FNDC3A: variants seen among roughly 807,000 people sequenced by gnomAD.
The protein encoded by FNDC3A is fibronectin type III domain containing 3A.
In FNDC3A, 32 loss-of-function variants were observed where a neutral mutation model predicts 148.9. The ratio of observed to expected loss-of-function variants is 0.21; its 90% confidence interval spans 0.16 to 0.29. The LOEUF (loss-of-function observed/expected upper bound fraction) is 0.29, where lower values mean the gene tolerates loss of function less well. Among genes scored for constraint, FNDC3A ranks in the 10% least tolerant of loss-of-function variants. The pLI is 1.00. For missense variants in FNDC3A, 1,191 were observed against 1,452.8 expected (o/e 0.82, Z 2.93); for synonymous variants, 472 against 473.6 (o/e 1.00, Z 0.04).
At chr13:49,077,788 A>G (rs1429102070) in intron 3 of FNDC3A, among the ~76,000 whole-genome samples, 1 of 152,232 alleles carries the variant, frequency 6.6e-6, no homozygotes, top group Non-Finnish European at 1.5e-5. Flanking sequence ...CACAACTTAA[A>G]GTAAAAATTT....
chr13:49,111,784 T>A (rs11620305), intron 3 of FNDC3A, among the ~76,000 whole-genome samples: 22,047 of 150,954 alleles, frequency 0.15, 2,140 homozygotes, highest in Non-Finnish European at 0.21. Context: ...AAAAAAAAAA[T>A]TTTTTTGCTA....
At chr13:49,073,790 T>TAA (rs1566232796) in intron 2 of FNDC3A, among the ~76,000 whole-genome samples, 55 of 146,478 alleles carry the variant, frequency 3.8e-4, no homozygotes, top group African/African-American at 1.3e-3. Flanking sequence ...TGTGTATATA[T>TAA]TATATATATG....
chr13:49,043,190 T>G (rs914451412), intron 2 of FNDC3A, among the ~76,000 whole-genome samples: 3 of 151,876 alleles, frequency 2.0e-5, no homozygotes, highest in African/African-American at 7.3e-5. Flanking sequence ...GGTCTTGAAC[T>G]CCTGGGCTCA....
chr13:49,181,053 C>T (rs1412982348), intron 14 of FNDC3A, among the ~76,000 whole-genome samples: 1 of 152,154 alleles, frequency 6.6e-6, no homozygotes, highest in African/African-American at 2.4e-5. Flanking sequence ...TGCACTCCAG[C>T]CTAGGCAGCA....
At chr13:49,120,304 A>C (rs1047777699) in intron 4 of FNDC3A, among the ~76,000 whole-genome samples, 9 of 152,186 alleles carry the variant, frequency 5.9e-5, no homozygotes, top group African/African-American at 2.2e-4. Context: ...AGATTTCATC[A>C]CCACCAGGCC....
chr13:49,137,890 T>C (rs928347747), intron 6 of FNDC3A, among the ~76,000 whole-genome samples: 2 of 152,230 alleles, frequency 1.3e-5, no homozygotes, highest in African/African-American at 4.8e-5. Flanking sequence ...AATACATAGA[T>C]ATGCATGGTA....
chr13:49,204,190 A>G (rs1464925578), intron 25 of FNDC3A, among the ~76,000 whole-genome samples: 1 of 152,240 alleles, frequency 6.6e-6, no homozygotes, highest in Non-Finnish European at 1.5e-5. Flanking sequence ...TTTCAAAGAT[A>G]GCTTTCTGAT....
intron 4 of FNDC3A, among the ~76,000 whole-genome samples, chr13:49,118,790 A>G (rs1881135591): frequency 2.6e-5 from 4 of 152,224 alleles, no homozygotes; most frequent in Admixed American, 6.5e-5. Flanking sequence ...CACTGTAGCC[A>G]GACTACCTCT....
At chr13:49,164,881 C>T (rs1884371368) in intron 8 of FNDC3A, among the ~76,000 whole-genome samples, 1 of 152,222 alleles carries the variant, frequency 6.6e-6, no homozygotes, top group Non-Finnish European at 1.5e-5. Flanking sequence ...TTATCTTTGT[C>T]TCACTGGGTT....
chr13:49,163,538 C>T (rs1489016181), intron 8 of FNDC3A, among the ~76,000 whole-genome samples: 9 of 152,168 alleles, frequency 5.9e-5, no homozygotes, highest in Admixed American at 5.2e-4. Flanking sequence ...TACCATCTTT[C>T]ATGGCTTCCC....
chr13:49,153,366 G>C (rs1239215478), intron 8 of FNDC3A, among the ~76,000 whole-genome samples: 1 of 152,082 alleles, frequency 6.6e-6, no homozygotes, highest in African/African-American at 2.4e-5. Flanking sequence ...TGATGGGGTT[G>C]TTTGTTTTTT....
rs192917077 is a variant in FNDC3A at position 49,137,071 on chromosome 13, C to G, written c.760+470C>G. ...CGATCTCCTGGGCTCAAGCAGTCCT[C>G]CCATCTTGGCCTCTCAAAGTGCTGC... On this transcript the variant is annotated intron_variant, in intron 6 of 25. Transcript: ENST00000492622. Among the ~76,000 whole-genome samples, 1,161 of 152,168 alleles carry G rather than the reference C, an allele frequency of 7.6e-3. 12 individuals are homozygous for G. Among genetic ancestry groups the G allele is most frequent in the Non-Finnish European group, 0.012 (825 of 68,006 alleles).
intron 7 of FNDC3A, 41 bp from the exon 8 acceptor site, chr13:49,145,737 A>G (rs1882954014): frequency 1.3e-6 from 2 of 1,538,316 alleles, no homozygotes; most frequent in East Asian, 4.5e-5. Flanking sequence ...TGTATACATT[A>G]CAGTTGTTTT....
rs192969179 is a variant in FNDC3A, at chr13:49,192,159, A to G, written c.2226+775A>G. Among the ~76,000 whole-genome samples, 34 of 152,300 alleles carry G rather than the reference A, an allele frequency of 2.2e-4. No homozygotes were observed. In the East Asian group the frequency reaches 6.4e-3, roughly 29 times the overall value. ...AGCTAAATAACAATTTCTTTCAACT[A>G]TTGTATAATTAAAATTTTTATAGAA... On this transcript the variant is annotated intron_variant, in intron 19 of 25. Coordinates refer to ENST00000492622, the MANE Select transcript of FNDC3A (RefSeq NM_001079673.2).
At chr13:49,075,185 C>A in intron 2 of FNDC3A, 104 bp from the exon 3 acceptor site, 1 of 575,400 alleles carries the variant, frequency 1.7e-6, no homozygotes, top group Non-Finnish European at 3.0e-6. Context: ...ATTTTCCTTC[C>A]CAGTTTCATA....
rs117816089 is a variant in FNDC3A, at chr13:49,165,610, T to C, written c.978-1634T>C. On this transcript the variant is annotated intron_variant, in intron 8 of 25. Transcript: ENST00000492622. Reference sequence around the variant, plus strand: ...TGGGCCCCCAGGTGTTGTACATGAGTACCAGTGTTAGCAAATCCAGGCATG... The same window carrying C: ...TGGGCCCCCAGGTGTTGTACATGAGCACCAGTGTTAGCAAATCCAGGCATG... Among the ~76,000 whole-genome samples the C allele has an allele frequency of 3.9e-3, 598 of 152,094 alleles. 1 individual carries two copies. Among genetic ancestry groups the C allele is most frequent in the Non-Finnish European group, 6.0e-3 (411 of 67,960 alleles).
chr13:49,181,592 T>C (rs1885307200), intron 14 of FNDC3A, among the ~76,000 whole-genome samples: 1 of 152,250 alleles, frequency 6.6e-6, no homozygotes, highest in African/African-American at 2.4e-5. Flanking sequence ...AAATCTGCCA[T>C]GTGCAGGGAA....
intron 5 of FNDC3A, among the ~76,000 whole-genome samples, chr13:49,131,691 T>C (rs140106982): frequency 1.3e-5 from 2 of 152,328 alleles, no homozygotes; most frequent in African/African-American, 2.4e-5. Context: ...GGAATAACCA[T>C]GTCATTGTTA....
At chr13:49,088,154 A>G (rs140246721) in intron 3 of FNDC3A, among the ~76,000 whole-genome samples, 85 of 152,298 alleles carry the variant, frequency 5.6e-4, no homozygotes, top group African/African-American at 2.0e-3. Flanking sequence ...TTATATATGA[A>G]TAATTAAGGA....
Sources: allele counts gnomAD v4.1 joint callset (sites outside exome capture counted in the v4.1 genomes callset), GRCh38; gene constraint gnomAD v4.1.1; transcripts MANE v1.5; gene names NCBI Gene and HGNC (gene_info 2026-07-23, HGNC 2026-07-21).